Variants in TMEM150C observed in about 807,000 individuals in gnomAD.
TMEM150C encodes the protein tentonin 3.
In TMEM150C, 10 loss-of-function variants were observed where a neutral mutation model predicts 29.9. That is an observed-to-expected ratio of 0.33 (90% CI 0.21 to 0.57). TMEM150C has a LOEUF of 0.57. TMEM150C is among the 20% of genes least tolerant of loss of function. The pLI is 0.88. For missense variants in TMEM150C, 251 were observed against 303.6 expected, an observed-to-expected ratio of 0.83 and a Z score of 1.29; for synonymous variants, 101 against 112.5, an observed-to-expected ratio of 0.90 and a Z score of 0.64.
intron 1 of TMEM150C, among the ~76,000 whole-genome samples, chr4:82,561,526 G>T (rs1373700901): frequency 6.6e-6 from 1 of 151,724 alleles, no homozygotes; most frequent in South Asian, 2.1e-4. Context: ...GGGGCGGCGG[G>T]TGGGGACACC....
intron 6 of TMEM150C, chr4:82,495,448 A>G (rs898994584): frequency 4.7e-5 from 16 of 340,594 alleles, no homozygotes; most frequent in Non-Finnish European, 8.0e-5. Flanking sequence ...CTCAAAAAAG[A>G]AAAGTTTGCG....
chr4:82,556,525 C>T (rs1278018225), intron 1 of TMEM150C, among the ~76,000 whole-genome samples: 1 of 152,040 alleles, frequency 6.6e-6, no homozygotes, highest in Non-Finnish European at 1.5e-5. Context: ...GTTTTGAAAA[C>T]ACTAACAGCC....
At chr4:82,522,822 G>A (rs1724529798) in intron 1 of TMEM150C, among the ~76,000 whole-genome samples, 1 of 152,172 alleles carries the variant, frequency 6.6e-6, no homozygotes, top group Non-Finnish European at 1.5e-5. Flanking sequence ...AGGGGTAAGA[G>A]GGGATTCTGG....
At chr4:82,546,234 A>G (rs1725382153) in intron 1 of TMEM150C, among the ~76,000 whole-genome samples, 1 of 152,192 alleles carries the variant, frequency 6.6e-6, no homozygotes. Context: ...GAAAAAACCT[A>G]TTCTAAAATT....
intron 1 of TMEM150C, among the ~76,000 whole-genome samples, chr4:82,523,699 T>A (rs1416366651): frequency 7.8e-6 from 1 of 127,442 alleles, no homozygotes; most frequent in Non-Finnish European, 1.6e-5. Context: ...ACAAATAACT[T>A]TTTTTTTTTT....
At chr4:82,515,802 T>C (rs1724278872) in intron 1 of TMEM150C, among the ~76,000 whole-genome samples, 1 of 151,192 alleles carries the variant, frequency 6.6e-6, no homozygotes, top group Non-Finnish European at 1.5e-5. Flanking sequence ...CGTGCCTTCC[T>C]ATCCCTAAGG....
chr4:82,533,690 A>T (rs1262875989), intron 1 of TMEM150C, among the ~76,000 whole-genome samples: 1 of 152,198 alleles, frequency 6.6e-6, no homozygotes, highest in Non-Finnish European at 1.5e-5. Flanking sequence ...CAAACATGCC[A>T]GTAAGTACTT....
Position 82,485,605 on chromosome 4 carries a change from C to A in TMEM150C, c.656G>T (p.Arg219Leu), listed in dbSNP as rs1282499035. Residue 219 changes from arginine to leucine, a missense_variant, in exon 8 of 8, where the codon CGC becomes CTC. Transcript: ENST00000449862. ...GTFAVEFRHY[R>L]YEIVCSEYQE... ...GTACTCAGAGCAAACAATCTCATAG[C>A]GGTAATGCCGGAACTCCACGGCAAA... is the stretch of plus-strand genomic sequence containing the variant. 1 of 1,610,692 alleles carries A rather than the reference C, an allele frequency of 6.2e-7. No individual in the cohort carries two copies. Among genetic ancestry groups the A allele is most frequent in the Non-Finnish European group, 8.5e-7 (1 of 1,178,494 alleles).
intron 5 of TMEM150C, among the ~76,000 whole-genome samples, chr4:82,499,734 A>AAAAAAAC: frequency 6.6e-6 from 1 of 151,376 alleles, no homozygotes; most frequent in African/African-American, 2.4e-5. Flanking sequence ...AAAAAAAAAA[A>AAAAAAAC]AAAAAAAAAA....
chr4:82,534,566 G>C (rs1724949128), intron 1 of TMEM150C, among the ~76,000 whole-genome samples: 1 of 152,218 alleles, frequency 6.6e-6, no homozygotes, highest in Non-Finnish European at 1.5e-5. Context: ...ATTCTGTGCA[G>C]ATTACTTTAC....
intron 6 of TMEM150C, among the ~76,000 whole-genome samples, chr4:82,492,016 A>G (rs888172723): frequency 7.0e-6 from 1 of 143,808 alleles, no homozygotes; most frequent in East Asian, 2.0e-4. Context: ...GTTCACTGCA[A>G]TCTCTGTTTC....
intron 5 of TMEM150C, among the ~76,000 whole-genome samples, chr4:82,498,838 C>A (rs751157970): frequency 3.3e-5 from 5 of 152,134 alleles, no homozygotes; most frequent in African/African-American, 9.7e-5. Context: ...CTGGTCCCTG[C>A]GTTGCTAGCT....
chr4:82,485,031 T>A lies in TMEM150C; in HGVS notation c.*480A>T, dbSNP rs1490372649. On this transcript the variant is annotated 3_prime_UTR_variant, in exon 8 of 8. Transcript: ENST00000449862. ...CAGGCGACACAGGGTCACATCTCAATACAATTTCCGTCCTATTCTATGATA... is the reference window on the plus strand; with the variant it reads ...CAGGCGACACAGGGTCACATCTCAAAACAATTTCCGTCCTATTCTATGATA... 1 of 155,710 alleles carries A rather than the reference T, an allele frequency of 6.4e-6. No homozygotes were observed. The highest frequency in any genetic ancestry group is 2.4e-5 in the African/African-American group (1 of 41,482). The allele number at this position is 155,710 out of a possible 1,614,324, so 9.6% of individuals were successfully genotyped here. A position where few individuals can be genotyped will look rare whatever the true frequency, so the allele number is the denominator to read the frequency against.
chr4:82,507,282 CA>C (rs1255446469), intron 1 of TMEM150C, among the ~76,000 whole-genome samples: 9 of 152,126 alleles, frequency 5.9e-5, no homozygotes, highest in African/African-American at 1.9e-4. Context: ...CAATGGGAGG[CA>C]CAATTGTCAA....
chr4:82,501,599 T>C lies in TMEM150C; in HGVS notation c.235+1128A>G, dbSNP rs534504579. Among the ~76,000 whole-genome samples the C allele has an allele frequency of 5.9e-5, 9 of 152,254 alleles. No homozygotes were observed. In the South Asian group the frequency reaches 1.7e-3, roughly 28 times the overall value. On this transcript the variant is annotated intron_variant, in intron 5 of 7. Coordinates refer to ENST00000449862, the MANE Select transcript of TMEM150C (RefSeq NM_001080506.3). ...TCCCCAGCGTACTTCTTTTTGAAGC[T>C]TCAGGTTCAAGAGAGGCCTGATGAG...
intron 1 of TMEM150C, among the ~76,000 whole-genome samples, chr4:82,528,354 A>G (rs1724722752): frequency 6.6e-6 from 1 of 152,204 alleles, no homozygotes; most frequent in Non-Finnish European, 1.5e-5. Flanking sequence ...AGTAGGCCCC[A>G]GGTGAAACCT....
chr4:82,562,143 C>G (rs776957874), upstream of TMEM150C: 25 of 1,271,520 alleles, frequency 2.0e-5, 1 homozygote, highest in South Asian at 2.8e-4. Context: ...TGCCACCCCC[C>G]CGGGGCCCCT....
At chr4:82,508,112 A>G (rs1367869720) in intron 1 of TMEM150C, among the ~76,000 whole-genome samples, 1 of 152,116 alleles carries the variant, frequency 6.6e-6, no homozygotes, top group Non-Finnish European at 1.5e-5. Flanking sequence ...ACACCATGAA[A>G]ATAAACTGGC....
At chr4:82,554,064 A>T (rs1725663724) in intron 1 of TMEM150C, among the ~76,000 whole-genome samples, 1 of 152,188 alleles carries the variant, frequency 6.6e-6, no homozygotes, top group Non-Finnish European at 1.5e-5. Flanking sequence ...TTTTGTGAAT[A>T]CTGTGCTGTC....
Sources: gnomAD v4.1 joint callset for allele counts (sites outside exome capture counted in the v4.1 genomes callset) on GRCh38, gnomAD v4.1.1 for gene constraint, MANE v1.5 for transcripts, NCBI Gene and HGNC (gene_info 2026-07-23, HGNC 2026-07-21) for gene names.